P2RX1: variants seen among roughly 807,000 people sequenced by gnomAD.
P2RX1 encodes purinergic receptor P2X 1.
In P2RX1, 42 loss-of-function variants were observed where a neutral mutation model predicts 50.3. That is an observed-to-expected ratio of 0.83 (90% CI 0.65 to 1.08). The LOEUF (loss-of-function observed/expected upper bound fraction) is 1.08, where lower values mean the gene tolerates loss of function less well. P2RX1 is among the 50% of genes least tolerant of loss of function. P2RX1 has a pLI of 0.00. For missense variants in P2RX1, 449 were observed against 529.0 expected (o/e 0.85, Z 1.48); for synonymous variants, 199 against 202.6 (o/e 0.98, Z 0.15).
intron 1 of P2RX1, chr17:3,915,375 T>G (rs1667223945): frequency 2.3e-6 from 1 of 443,080 alleles, no homozygotes; most frequent in Non-Finnish European, 4.5e-6. Context: ...GAGCTCCATA[T>G]GCACACTCAC....
chr17:3,912,661 C>A (rs1234949943), intron 1 of P2RX1, among the ~76,000 whole-genome samples: 1 of 152,170 alleles, frequency 6.6e-6, no homozygotes, highest in Non-Finnish European at 1.5e-5. Flanking sequence ...TTTGATTAGA[C>A]TTTTCTCACA....
intron 4 of P2RX1, 98 bp from the exon 5 acceptor site, chr17:3,904,122 A>C: frequency 9.1e-7 from 1 of 1,097,736 alleles, no homozygotes; most frequent in Non-Finnish European, 1.4e-6. Context: ...CACTCAAGCA[A>C]AGGAGCCAAG....
At chr17:3,913,117 TCTAA>T (rs561289302) in intron 1 of P2RX1, among the ~76,000 whole-genome samples, 32 of 149,320 alleles carry the variant, frequency 2.1e-4, no homozygotes, top group African/African-American at 7.4e-4. Context: ...CGGGGAGAGC[TCTAA>T]CTGAGACCAT....
At chr17:3,915,293 T>G in intron 1 of P2RX1, 1 of 373,052 alleles carries the variant, frequency 2.7e-6, no homozygotes, top group East Asian at 7.3e-5. Context: ...GGCACAGCCA[T>G]ATGTACACAT....
chr17:3,903,748 G>T lies in P2RX1; in HGVS notation c.525-117C>A. ...CTCCGGGACCCGCCTGCAGCCCTGGGCTGGTGGAGGGGTGGGTGTGCTCTA... is the reference window on the plus strand; with the variant it reads ...CTCCGGGACCCGCCTGCAGCCCTGGTCTGGTGGAGGGGTGGGTGTGCTCTA... On this transcript the variant is annotated intron_variant, in intron 5 of 11. Coordinates refer to ENST00000225538, the MANE Select transcript of P2RX1 (RefSeq NM_002558.4). This position sits in a 1 kb window ranked among gnomAD's most constrained non-coding sequence, Gnocchi z 4.6. The T allele has an allele frequency of 8.1e-7, 1 of 1,228,554 alleles. No individual in the cohort carries two copies. The highest frequency in any genetic ancestry group is 1.2e-5 in the South Asian group (1 of 82,392). The allele number at this position is 1,228,554 out of a possible 1,614,324, so 76.1% of individuals were successfully genotyped here.
Position 3,896,674 on chromosome 17 carries a change from G to C in P2RX1, c.*1140C>G, listed in dbSNP as rs2056027190. Reference sequence around the variant, plus strand: ...AGACAGAGCCAGGCAGGCCTTGGGAGCTGGGGCTGAGCCACAGGCAGGGAG... The same window carrying C: ...AGACAGAGCCAGGCAGGCCTTGGGACCTGGGGCTGAGCCACAGGCAGGGAG... On this transcript the variant is annotated 3_prime_UTR_variant, in exon 12 of 12. Transcript: ENST00000225538. The C allele has an allele frequency of 6.6e-6, 1 of 152,294 alleles. No homozygotes were observed. Among genetic ancestry groups the C allele is most frequent in the Non-Finnish European group, 1.5e-5 (1 of 68,076 alleles). The allele number at this position is 152,294 out of a possible 1,614,324, so 9.4% of individuals were successfully genotyped here.
intron 3 of P2RX1, 88 bp from the exon 4 acceptor site, chr17:3,904,487 G>C (rs904193116): frequency 6.0e-6 from 7 of 1,166,244 alleles, no homozygotes; most frequent in Admixed American, 5.9e-5. Flanking sequence ...GCCCTAGGGA[G>C]AGCGTGGGGC....
Position 3,914,572 on chromosome 17 carries a change from G to A in P2RX1, c.137+1517C>T, listed in dbSNP as rs147776722. Among the ~76,000 whole-genome samples the A allele has an allele frequency of 2.7e-3, 418 of 152,266 alleles. 2 individuals carry two copies. Among genetic ancestry groups the A allele is most frequent in the African/African-American group, 9.7e-3 (401 of 41,548 alleles). ...CCTTCCCCCAGCCTCTTCCAGCAAGGGTAGGCTGGGCCTGCGCAGACAGCC... is the reference window on the plus strand; with the variant it reads ...CCTTCCCCCAGCCTCTTCCAGCAAGAGTAGGCTGGGCCTGCGCAGACAGCC... On this transcript the variant is annotated intron_variant, in intron 1 of 11. Coordinates refer to ENST00000225538, the MANE Select transcript of P2RX1 (RefSeq NM_002558.4). This position sits in a 1 kb window ranked among gnomAD's most constrained non-coding sequence, Gnocchi z 4.1.
At position 3,897,189 on chromosome 17, in the gene P2RX1, GA is replaced by G. The variant is rs2056041837; in HGVS notation, c.*624del. 6.3e-6 allele frequency: 1 copy of G among 158,812 alleles called. No individual in the cohort carries two copies. Among genetic ancestry groups the G allele is most frequent in the Non-Finnish European group, 1.4e-5 (1 of 71,394 alleles). The allele number at this position is 158,812 out of a possible 1,614,324, so 9.8% of individuals were successfully genotyped here. ...GCCAGCCCTGGAGCTTTTGGTTCAG[GA>G]GGTCTGGGGGTGGGCCCAGGAGCTT... On this transcript the variant is annotated 3_prime_UTR_variant, in exon 12 of 12. Transcript: ENST00000225538.
Position 3,897,630 on chromosome 17 carries a change from G to A in P2RX1, c.*184C>T. 1.5e-6 allele frequency: 1 copy of A among 645,328 alleles called. No individual in the cohort carries two copies. The highest frequency in any genetic ancestry group is 2.7e-5 in the East Asian group (1 of 36,476). The allele number at this position is 645,328 out of a possible 1,614,324, so 40.0% of individuals were successfully genotyped here. On this transcript the variant is annotated 3_prime_UTR_variant, in exon 12 of 12. Coordinates refer to ENST00000225538, the MANE Select transcript of P2RX1 (RefSeq NM_002558.4). ...GGCTCCCTCAGGGTGTGTGGGGTCG[G>A]AGCCGGAGCTCAGATTTGCACAGGT...
intron 1 of P2RX1, among the ~76,000 whole-genome samples, chr17:3,908,260 T>C (rs761414202): frequency 1.3e-5 from 2 of 152,088 alleles, no homozygotes; most frequent in Non-Finnish European, 2.9e-5. Context: ...TCAACTCTGG[T>C]GATAATAGAA....
At position 3,904,945 on chromosome 17, in the gene P2RX1, A is replaced by AGG; in HGVS notation, c.286-18_286-17dup. The AGG allele has an allele frequency of 2.0e-5, 3 of 148,790 alleles. No individual in the cohort carries two copies. In the Admixed American group the frequency reaches 3.4e-4, roughly 17 times the overall value. The allele number at this position is 148,790 out of a possible 1,614,324, so 9.2% of individuals were successfully genotyped here. A position where few individuals can be genotyped will look rare whatever the true frequency, so the allele number is the denominator to read the frequency against. ...AGTTGTCCCCCTAGAAGTGAGGGGC[A>AGG]GGGGGAGGGTGGGGTGGGCTGGGAG... On this transcript the variant is annotated splice_polypyrimidine_tract_variant and intron_variant, in intron 2 of 11. Coordinates refer to ENST00000225538, the MANE Select transcript of P2RX1 (RefSeq NM_002558.4).
rs759103779 is a variant in P2RX1 at position 3,899,774 on chromosome 17, C to G, written c.748-13G>C. 1.2e-6 allele frequency: 2 copies of G among 1,612,882 alleles called. No homozygotes were observed. Among genetic ancestry groups the G allele is most frequent in the Non-Finnish European group, 1.7e-6 (2 of 1,179,224 alleles). On this transcript the variant is annotated splice_polypyrimidine_tract_variant and intron_variant, in intron 7 of 11. Transcript: ENST00000225538. ...CAACCACTCCACCCTGCCAGGGACA[C>G]AAGTAGTTAAGATCTGGGATTTCAG...
intron 3 of P2RX1, 146 bp from the exon 4 acceptor site, chr17:3,904,545 C>T (rs2056222579): frequency 5.4e-6 from 4 of 734,892 alleles, no homozygotes; most frequent in African/African-American, 1.7e-5. Context: ...GCCTCCTTCC[C>T]CCATTTCCCC....
In P2RX1 at chr17:3,904,255, CA is replaced by C. The variant is rs2056214724; in HGVS notation, c.427+74del. 41 of 1,411,950 alleles carry C rather than the reference CA, an allele frequency of 2.9e-5. No individual in the cohort carries two copies. In the South Asian group the frequency reaches 4.5e-4, roughly 15 times the overall value. 87.5% of individuals were successfully genotyped at this position (1,411,950 alleles called of 1,614,324 possible). On this transcript the variant is annotated intron_variant, in intron 4 of 11. Coordinates refer to ENST00000225538, the MANE Select transcript of P2RX1 (RefSeq NM_002558.4). ...AGGGGTGTGGAGAGAGGCAGGTCAG[CA>C]CCAAGCTGGGCCTGCAGGACGTCAG...
At position 3,904,316 on chromosome 17, in the gene P2RX1, G is replaced by A; in HGVS notation, c.427+14C>T. The A allele has an allele frequency of 1.2e-6, 2 of 1,612,440 alleles. No homozygotes were observed. The highest frequency in any genetic ancestry group is 1.7e-5 in the Admixed American group (1 of 60,026). On this transcript the variant is annotated intron_variant, in intron 4 of 11. Coordinates refer to ENST00000225538, the MANE Select transcript of P2RX1 (RefSeq NM_002558.4). ...CCGGGGGACTGTGGAGGGACAGGAG[G>A]AGGCTGACCTTACCTTGGGCCTTCC...
In P2RX1 at chr17:3,903,328, C is replaced by T; in HGVS notation, c.621G>A (p.Glu207=). 4 of 1,614,160 alleles carry T rather than the reference C, an allele frequency of 2.5e-6. No homozygotes were observed. Among genetic ancestry groups the T allele is most frequent in the Non-Finnish European group, 3.4e-6 (4 of 1,180,012 alleles). The part of the protein sequence containing the change: ...RFKVNRRNLV[E]EVNAAHMKTC... ...TCTTCATGTGGGCAGCATTCACCTC[C>T]TCCACCAGGTTGCGCCTGTGGGGGT... The change falls in exon 7 of 12, where the codon GAG becomes GAA. Residue 207 remains glutamate, a synonymous_variant. Transcript: ENST00000225538. This position sits in a 1 kb window ranked among gnomAD's most constrained non-coding sequence, Gnocchi z 4.6.
In P2RX1 at chr17:3,916,089, C is replaced by CCGATGA; in HGVS notation, c.131_136dup (p.Val44_Ile45dup). On this transcript the variant is annotated inframe_insertion and splice_region_variant, in exon 1 of 12. Coordinates refer to ENST00000225538, the MANE Select transcript of P2RX1 (RefSeq NM_002558.4). ...GGCAGCGGGAGGCGCCCGGACTCAC[C>CCGATGA]CGATGACGTAGACCAGGACCACCAG... 6.2e-7 allele frequency: 1 copy of CCGATGA among 1,613,406 alleles called. No homozygotes were observed. Among genetic ancestry groups the CCGATGA allele is most frequent in the Non-Finnish European group, 8.5e-7 (1 of 1,179,958 alleles).
chr17:3,911,309 T>G (rs1406418446), intron 1 of P2RX1, among the ~76,000 whole-genome samples: 1 of 152,090 alleles, frequency 6.6e-6, no homozygotes, highest in African/African-American at 2.4e-5. Context: ...CTTTCTTTCT[T>G]TCTTTTTTTT....
Sources: gnomAD v4.1 joint callset for allele counts (sites outside exome capture counted in the v4.1 genomes callset) on GRCh38, gnomAD v4.1.1 for gene constraint, Gnocchi (gnomAD v3.1) non-coding constraint, MANE v1.5 for transcripts, NCBI Gene and HGNC (gene_info 2026-07-23, HGNC 2026-07-21) for gene names.